ARK2N: variants seen among roughly 807,000 people sequenced by gnomAD.
The protein encoded by ARK2N is protein ARK2N.
chr18:46,260,326 T>C, the ARK2N span, among the ~76,000 whole-genome samples: 3 of 152,226 alleles, frequency 2.0e-5, no homozygotes, highest in African/African-American at 4.8e-5. Context: ...GGGAATTCCA[T>C]GTACAACTAT....
chr18:46,238,962 C>T, the ARK2N span, among the ~76,000 whole-genome samples: 7 of 151,984 alleles, frequency 4.6e-5, no homozygotes, highest in Non-Finnish European at 1.0e-4. Context: ...AGTTTGCTTG[C>T]GCTTCATAAA....
At chr18:46,220,754 T>G in the ARK2N span, among the ~76,000 whole-genome samples, 3 of 152,224 alleles carry the variant, frequency 2.0e-5, no homozygotes, top group Non-Finnish European at 4.4e-5. Flanking sequence ...TGGGCTCTTT[T>G]AAGTTTTTGC....
chr18:46,221,421 G>C, the ARK2N span, among the ~76,000 whole-genome samples: 2 of 151,164 alleles, frequency 1.3e-5, no homozygotes, highest in African/African-American at 2.4e-5. Context: ...TTAGCCGGGT[G>C]TGGTGGCGCG....
At chr18:46,198,423 A>G in the ARK2N span, among the ~76,000 whole-genome samples, 1 of 152,124 alleles carries the variant, frequency 6.6e-6, no homozygotes, top group African/African-American at 2.4e-5. Flanking sequence ...AAAACGAAGA[A>G]CTATGAGACA....
At chr18:46,222,543 C>T in the ARK2N span, among the ~76,000 whole-genome samples, 1 of 152,064 alleles carries the variant, frequency 6.6e-6, no homozygotes, top group Non-Finnish European at 1.5e-5. Flanking sequence ...GTTGAAGCAC[C>T]AAGATACTAT....
At chr18:46,211,218 T>G in the ARK2N span, among the ~76,000 whole-genome samples, 2 of 152,162 alleles carry the variant, frequency 1.3e-5, no homozygotes, top group African/African-American at 4.8e-5. Context: ...ACTTTTGTTT[T>G]TATTTTTTGA....
chr18:46,201,605 A>G, the ARK2N span, among the ~76,000 whole-genome samples: 1 of 151,986 alleles, frequency 6.6e-6, no homozygotes, highest in African/African-American at 2.4e-5. Flanking sequence ...AGGAAGTAGT[A>G]TCAAATTTTC....
the ARK2N span, among the ~76,000 whole-genome samples, chr18:46,234,459 A>G: frequency 2.6e-5 from 4 of 152,212 alleles, no homozygotes. Context: ...TCGGCCTCCC[A>G]AAGTGCTGGA....
At chr18:46,247,712 A>C in the ARK2N span, among the ~76,000 whole-genome samples, 16 of 152,194 alleles carry the variant, frequency 1.1e-4, no homozygotes, top group Non-Finnish European at 2.2e-4. Context: ...TTGCTCTGTC[A>C]TCCTGGCTGG....
the ARK2N span, chr18:46,216,320 G>A: frequency 3.1e-6 from 5 of 1,613,942 alleles, no homozygotes; most frequent in Non-Finnish European, 4.2e-6. The surrounding 1 kb of genome is among the most constrained non-coding windows in gnomAD (Gnocchi z 4.3). Context: ...CGATCTGAAA[G>A]TGAAACTTCC....
At chr18:46,204,495 A>G in the ARK2N span, among the ~76,000 whole-genome samples, 1 of 152,234 alleles carries the variant, frequency 6.6e-6, no homozygotes, top group Admixed American at 6.5e-5. Context: ...AGAAAGCATT[A>G]TTTAATTCAG....
the ARK2N span, among the ~76,000 whole-genome samples, chr18:46,235,980 A>C: frequency 6.6e-6 from 1 of 152,216 alleles, no homozygotes; most frequent in South Asian, 2.1e-4. Context: ...AAGAGGGTAG[A>C]CCTCACTGTA....
the ARK2N span, among the ~76,000 whole-genome samples, chr18:46,197,070 C>T: frequency 6.6e-6 from 1 of 152,190 alleles, no homozygotes; most frequent in Non-Finnish European, 1.5e-5. Context: ...AGCAAGCCAT[C>T]AAGTCCAGCC....
the ARK2N span, among the ~76,000 whole-genome samples, chr18:46,244,445 A>G: frequency 6.6e-6 from 1 of 152,074 alleles, no homozygotes. Flanking sequence ...ACATGGTGGC[A>G]GTACAGAGAA....
At chr18:46,212,659 G>C in the ARK2N span, among the ~76,000 whole-genome samples, 1 of 151,796 alleles carries the variant, frequency 6.6e-6, no homozygotes, top group Admixed American at 6.6e-5. Context: ...TACTAATTTA[G>C]GTAGTATAAA....
At chr18:46,193,782 A>G in the ARK2N span, among the ~76,000 whole-genome samples, 1 of 150,630 alleles carries the variant, frequency 6.6e-6, no homozygotes, top group Non-Finnish European at 1.5e-5. Context: ...TATTTTTTGT[A>G]GAGATGGGGT....
At chr18:46,252,333 G>A in the ARK2N span, among the ~76,000 whole-genome samples, 2 of 151,894 alleles carry the variant, frequency 1.3e-5, no homozygotes, top group Non-Finnish European at 2.9e-5. Flanking sequence ...CTGGAGTGCA[G>A]TGGCGCGATC....
the ARK2N span, among the ~76,000 whole-genome samples, chr18:46,244,157 G>T: frequency 6.6e-6 from 1 of 152,248 alleles, no homozygotes; most frequent in Admixed American, 6.5e-5. Context: ...CTTGTATCCA[G>T]CATGTTTAGG....
At chr18:46,229,465 A>C in the ARK2N span, among the ~76,000 whole-genome samples, 1 of 150,566 alleles carries the variant, frequency 6.6e-6, no homozygotes, top group African/African-American at 2.5e-5. Context: ...CTCCTGCCTC[A>C]GCCTCCTGAG....
Sources: gnomAD v4.1 joint callset for allele counts (sites outside exome capture counted in the v4.1 genomes callset) on GRCh38, gnomAD v4.1.1 for gene constraint, Gnocchi (gnomAD v3.1) non-coding constraint, MANE v1.5 for transcripts, NCBI Gene and HGNC (gene_info 2026-07-23, HGNC 2026-07-21) for gene names.